ASXL2: variants seen among roughly 807,000 people sequenced by gnomAD.
ASXL2 encodes putative Polycomb group protein ASXL2.
A neutral mutation model predicts 122.0 loss-of-function variants in ASXL2; 23 were observed. The ratio of observed to expected loss-of-function variants is 0.19; its 90% CI spans 0.14 to 0.27. The LOEUF (loss-of-function observed/expected upper bound fraction) is 0.27. ASXL2 is among the 10% of genes least tolerant of loss of function. ASXL2 has a pLI of 1.00. For missense variants in ASXL2, 1,518 were observed against 1,713.8 expected (o/e 0.89, Z 2.02); for synonymous variants, 650 against 637.0 (o/e 1.02, Z -0.31).
intron 1 of ASXL2, among the ~76,000 whole-genome samples, chr2:25,854,036 C>G (rs570199146): frequency 1.6e-4 from 24 of 152,142 alleles, no homozygotes; most frequent in Non-Finnish European, 2.8e-4. Flanking sequence ...GAAACCTATA[C>G]AGAGAGGCAC....
chr2:25,827,693 G>A (rs2149184688), intron 3 of ASXL2, among the ~76,000 whole-genome samples: 1 of 152,176 alleles, frequency 6.6e-6, no homozygotes, highest in South Asian at 2.1e-4. Context: ...TCAAACAAAT[G>A]GGAATAAAAG....
At chr2:25,811,099 C>CACACACACACAA (rs1327866217) in intron 3 of ASXL2, among the ~76,000 whole-genome samples, 1 of 144,416 alleles carries the variant, frequency 6.9e-6, no homozygotes, top group African/African-American at 2.6e-5. Flanking sequence ...CACACACACA[C>CACACACACACAA]AAAATCAGCC....
intron 1 of ASXL2, among the ~76,000 whole-genome samples, chr2:25,851,153 A>G (rs1335638257): frequency 6.6e-6 from 1 of 151,654 alleles, no homozygotes; most frequent in Non-Finnish European, 1.5e-5. Flanking sequence ...TCTCCAAAAA[A>G]AAAAAAAAAG....
At chr2:25,875,846 A>C (rs1443725209) in intron 1 of ASXL2, among the ~76,000 whole-genome samples, 1 of 152,138 alleles carries the variant, frequency 6.6e-6, no homozygotes, top group Non-Finnish European at 1.5e-5. Flanking sequence ...GGATCTAAAT[A>C]CTAACATTCT....
chr2:25,758,303 T>C (rs969138360), intron 9 of ASXL2, among the ~76,000 whole-genome samples: 1 of 152,250 alleles, frequency 6.6e-6, no homozygotes, highest in Non-Finnish European at 1.5e-5. Flanking sequence ...TTCTCTGTTA[T>C]CCTCTTACTA....
chr2:25,814,607 A>G (rs2089211635), intron 3 of ASXL2, among the ~76,000 whole-genome samples: 1 of 152,244 alleles, frequency 6.6e-6, no homozygotes, highest in African/African-American at 2.4e-5. Flanking sequence ...GAACAAGTGC[A>G]GTGCTATAAT....
chr2:25,776,645 T>A (rs2088551333), intron 5 of ASXL2, among the ~76,000 whole-genome samples: 2 of 152,248 alleles, frequency 1.3e-5, no homozygotes, highest in Admixed American at 1.3e-4. Flanking sequence ...TTTCTTTATA[T>A]CCTTGCCAAT....
At position 25,750,330 on chromosome 2, in the gene ASXL2, G is replaced by T. The variant is rs1284766869; in HGVS notation, c.1226C>A (p.Pro409Gln). ...PKVKKTPAEQPKSMPVSEASL... is the reference protein window; with the variant it reads ...PKVKKTPAEQQKSMPVSEASL... ...GGCCTCTGACACAGGCATGGATTTT[G>T]GTTGTTCAGCTGGGGTTTTCTTTAC... Residue 409 changes from proline to glutamine, a missense_variant, in exon 12 of 13, where the codon CCA (proline) becomes CAA (glutamine). Physicochemically the swap from Pro to Gln is moderately conservative, Grantham distance 76. Transcript: ENST00000435504. 1 of 1,613,954 alleles carries T rather than the reference G, an allele frequency of 6.2e-7. No individual in the cohort carries two copies. Among genetic ancestry groups the T allele is most frequent in the Non-Finnish European group, 8.5e-7 (1 of 1,179,878 alleles).
chr2:25,866,071 G>A (rs1352749969), intron 1 of ASXL2, among the ~76,000 whole-genome samples: 1 of 151,442 alleles, frequency 6.6e-6, no homozygotes, highest in Non-Finnish European at 1.5e-5. Context: ...AATCACACAG[G>A]AAGTTAAAAA....
At chr2:25,754,312 G>T (rs1193026092) in intron 10 of ASXL2, among the ~76,000 whole-genome samples, 2 of 152,194 alleles carry the variant, frequency 1.3e-5, no homozygotes, top group African/African-American at 4.8e-5. Context: ...CAGTGAATGT[G>T]CTTGGTAGGC....
intron 5 of ASXL2, among the ~76,000 whole-genome samples, chr2:25,786,587 C>T (rs111453483): frequency 0.042 from 6,460 of 152,072 alleles, 212 homozygotes; most frequent in African/African-American, 0.08. Flanking sequence ...GTATTGGTGG[C>T]TCACGCCTGT....
At chr2:25,786,682 T>C (rs746764234) in intron 5 of ASXL2, among the ~76,000 whole-genome samples, 12 of 152,052 alleles carry the variant, frequency 7.9e-5, no homozygotes, top group Non-Finnish European at 1.6e-4. Flanking sequence ...GGTGAAACCC[T>C]ATCTCTACTA....
intron 3 of ASXL2, among the ~76,000 whole-genome samples, chr2:25,811,648 T>C (rs1181003000): frequency 1.3e-5 from 2 of 152,146 alleles, no homozygotes; most frequent in African/African-American, 4.8e-5. Context: ...CAAGATGCCA[T>C]TGGTCAGATG....
chr2:25,842,127 A>C (rs1408190062), intron 2 of ASXL2, among the ~76,000 whole-genome samples: 1 of 151,910 alleles, frequency 6.6e-6, no homozygotes. Context: ...AAAAAAGAAA[A>C]AAAAAAAAGA....
Position 25,743,219 on chromosome 2 carries a change from A to T in ASXL2, c.3118T>A (p.Ser1040Thr). Residue 1040 changes from serine to threonine, a missense_variant, in exon 13 of 13, where the codon TCA becomes ACA. By Grantham distance (58) the Ser-to-Thr change is moderately conservative. Around this residue, in one of 8 missense-constraint regions of ASXL2, gnomAD observed 831 missense variants for 833.1 expected, o/e 1.00. Coordinates refer to ENST00000435504, the MANE Select transcript of ASXL2 (RefSeq NM_018263.6). ...PQVPRPLQLF[S>T]AKELRDSSID... Reference sequence around the variant, plus strand: ...CTGGAGTCCCTCAGCTCCTTAGCTGAAAAGAGCTGAAGGGGCCTTGGAACC... The same window carrying T: ...CTGGAGTCCCTCAGCTCCTTAGCTGTAAAGAGCTGAAGGGGCCTTGGAACC... The T allele has an allele frequency of 6.2e-7, 1 of 1,613,712 alleles. No homozygotes were observed. The highest frequency in any genetic ancestry group is 8.5e-7 in the Non-Finnish European group (1 of 1,179,804).
At chr2:25,775,811 TGAGA>T (rs1433219721) in intron 5 of ASXL2, among the ~76,000 whole-genome samples, 1 of 152,226 alleles carries the variant, frequency 6.6e-6, no homozygotes, top group Admixed American at 6.5e-5. Flanking sequence ...TCTTTCTGTC[TGAGA>T]AATACTTAAA....
At chr2:25,810,645 G>A in intron 3 of ASXL2, 1 of 787,264 alleles carries the variant, frequency 1.3e-6, no homozygotes, top group Non-Finnish European at 2.2e-6. Flanking sequence ...CAATAGTGGT[G>A]ATCCCAGCCA....
intron 1 of ASXL2, among the ~76,000 whole-genome samples, chr2:25,849,561 G>A (rs187955047): frequency 1.2e-3 from 174 of 150,900 alleles, no homozygotes; most frequent in African/African-American, 4.0e-3. Context: ...TGCAACCTCC[G>A]CCTCCCAGGC....
At chr2:25,858,577 G>T (rs1249793624) in intron 1 of ASXL2, among the ~76,000 whole-genome samples, 2 of 151,586 alleles carry the variant, frequency 1.3e-5, no homozygotes, top group Non-Finnish European at 1.5e-5. Flanking sequence ...ACAAAAATTA[G>T]CCGGGCGTGG....
Sources: allele counts gnomAD v4.1 joint callset (sites outside exome capture counted in the v4.1 genomes callset), GRCh38; gene constraint gnomAD v4.1.1; regional missense constraint gnomAD v4.1.1; transcripts MANE v1.5; gene names NCBI Gene and HGNC (gene_info 2026-07-23, HGNC 2026-07-21).